RASSF6: variants seen among roughly 807,000 people sequenced by gnomAD.
The protein encoded by RASSF6 is Ras association domain family member 6, also known as ras association domain-containing protein 6.
A neutral mutation model predicts 44.0 loss-of-function variants in RASSF6; 52 were observed. That is an observed-to-expected ratio of 1.18 (90% CI 0.95 to 1.49). The LOEUF is 1.49. RASSF6 is among the 40% of genes most tolerant of loss of function. The probability of loss-of-function intolerance (pLI) is 0.00; values close to 1 mark genes in which losing one functional copy is unlikely to be tolerated. For synonymous variants in RASSF6, 162 were observed against 124.6 expected, an observed-to-expected ratio of 1.30 and a Z score of -2.00; for missense variants, 464 against 393.3, an observed-to-expected ratio of 1.18 and a Z score of -1.52.
At chr4:73,594,323 C>A (rs1428452330) in intron 3 of RASSF6, among the ~76,000 whole-genome samples, 1 of 152,126 alleles carries the variant, frequency 6.6e-6, no homozygotes, top group East Asian at 1.9e-4. Context: ...TGCCAGCCAC[C>A]CAATACCTAT....
rs1553905792 is a variant in RASSF6 at position 73,611,729 on chromosome 4, A to G, written c.65+2T>C. The G allele has an allele frequency of 6.3e-7, 1 of 1,587,812 alleles. No homozygotes were observed. Among genetic ancestry groups the G allele is most frequent in the Non-Finnish European group, 8.6e-7 (1 of 1,156,894 alleles). ...AATGTATAATATAAGGTGTGTGGTT[A>G]CCTGGTTATGAATGTCTTCTCATTA... is the stretch of plus-strand genomic sequence containing the variant. On this transcript the variant is annotated splice_donor_variant, in intron 2 of 10. Coordinates refer to ENST00000307439, the MANE Select transcript of RASSF6 (RefSeq NM_177532.5). LOFTEE classifies it high-confidence loss of function.
intron 3 of RASSF6, among the ~76,000 whole-genome samples, chr4:73,594,813 C>T (rs1243725226): frequency 6.6e-6 from 1 of 152,076 alleles, no homozygotes; most frequent in African/African-American, 2.4e-5. Context: ...CTTTCTCTGC[C>T]TAACTAGAAC....
rs201340056 is a variant in RASSF6 at position 73,587,969 on chromosome 4, C to A, written c.288-35G>T. Reference sequence around the variant, plus strand: ...AATAAATCTTGTAAGTACATCAGTTCCATTTATATTGAAGCCTATGATGGT... The same window carrying A: ...AATAAATCTTGTAAGTACATCAGTTACATTTATATTGAAGCCTATGATGGT... On this transcript the variant is annotated intron_variant, in intron 4 of 10. Coordinates refer to ENST00000307439, the MANE Select transcript of RASSF6 (RefSeq NM_177532.5). The A allele has an allele frequency of 1.1e-5, 15 of 1,374,962 alleles. No individual in the cohort carries two copies. In the East Asian group the frequency reaches 3.2e-4, roughly 29 times the overall value. 85.2% of individuals were successfully genotyped at this position (1,374,962 alleles called of 1,614,324 possible). A position where few individuals can be genotyped will look rare whatever the true frequency, so the allele number is the denominator to read the frequency against.
intron 7 of RASSF6, 148 bp downstream of exon 7, chr4:73,582,041 G>C: frequency 1.6e-6 from 1 of 642,110 alleles, no homozygotes; most frequent in Non-Finnish European, 2.7e-6. Flanking sequence ...GTTACTAAAA[G>C]GTGTTATACA....
intron 1 of RASSF6, among the ~76,000 whole-genome samples, chr4:73,618,301 T>TTATCTATCTATCTATC (rs60389955): frequency 0.19 from 28,052 of 150,194 alleles, 2,669 homozygotes; most frequent in African/African-American, 0.24. Flanking sequence ...TATAAAGTTG[T>TTATCTATCTATCTATC]TATCTATCTA....
At chr4:73,605,795 C>T (rs1725581085) in intron 2 of RASSF6, among the ~76,000 whole-genome samples, 3 of 152,086 alleles carry the variant, frequency 2.0e-5, no homozygotes, top group Admixed American at 2.0e-4. Flanking sequence ...TATTTTTTGA[C>T]TTTTTTATAA....
chr4:73,615,136 G>GTCCC (rs1486262068), intron 1 of RASSF6, among the ~76,000 whole-genome samples: 4 of 121,016 alleles, frequency 3.3e-5, no homozygotes, highest in African/African-American at 1.3e-4. Context: ...CCAAGATTGT[G>GTCCC]TCCCTGCACT....
At position 73,574,269 on chromosome 4, in the gene RASSF6, T is replaced by C. The variant is rs1202374284; in HGVS notation, c.*1966A>G. The C allele has an allele frequency of 6.6e-6, 1 of 152,428 alleles. No homozygotes were observed. The highest frequency in any genetic ancestry group is 1.5e-5 in the Non-Finnish European group (1 of 68,190). The allele number at this position is 152,428 out of a possible 1,614,324, so 9.4% of individuals were successfully genotyped here. A position where few individuals can be genotyped will look rare whatever the true frequency, so the allele number is the denominator to read the frequency against. On this transcript the variant is annotated 3_prime_UTR_variant, in exon 11 of 11. Coordinates refer to ENST00000307439, the MANE Select transcript of RASSF6 (RefSeq NM_177532.5). Reference sequence around the variant, plus strand: ...AAAGTTATGCTAGGTTCCTGCAAAGTAGGTCCCTCCGGCTCCTAATCCCAA... The same window carrying C: ...AAAGTTATGCTAGGTTCCTGCAAAGCAGGTCCCTCCGGCTCCTAATCCCAA...
chr4:73,574,957 T>C lies in RASSF6; in HGVS notation c.*1278A>G, dbSNP rs1333951542. ...TTATTAATATTGACAGGTGAAAGAA[T>C]AGCGATGCAAGCCTCTGGTTTACTC... On this transcript the variant is annotated 3_prime_UTR_variant, in exon 11 of 11. Coordinates refer to ENST00000307439, the MANE Select transcript of RASSF6 (RefSeq NM_177532.5). 1.3e-5 allele frequency: 2 copies of C among 152,314 alleles called. No homozygotes were observed. Among genetic ancestry groups the C allele is most frequent in the African/African-American group, 2.4e-5 (1 of 41,578 alleles). The allele number at this position is 152,314 out of a possible 1,614,324, so 9.4% of individuals were successfully genotyped here.
At position 73,591,351 on chromosome 4, in the gene RASSF6, T is replaced by A. The variant is rs184242217; in HGVS notation, c.287+2100A>T. On this transcript the variant is annotated intron_variant, in intron 4 of 10. Transcript: ENST00000307439. ...TGATGGTTTAAGGTGATACTAAAATTACCTTACTTCATTTCTGTGGCATTT... is the reference window on the plus strand; with the variant it reads ...TGATGGTTTAAGGTGATACTAAAATAACCTTACTTCATTTCTGTGGCATTT... Among the ~76,000 whole-genome samples the A allele has an allele frequency of 4.6e-5, 7 of 152,334 alleles. No homozygotes were observed. The East Asian group carries it at 1.3e-3, about 29-fold the overall frequency.
intron 7 of RASSF6, 128 bp from the exon 8 acceptor site, chr4:73,581,996 G>T (rs1434553022): frequency 5.6e-6 from 4 of 718,896 alleles, no homozygotes; most frequent in African/African-American, 3.6e-5. Flanking sequence ...AATCTTCTCT[G>T]CTCTTATGGG....
At position 73,585,190 on chromosome 4, in the gene RASSF6, T is replaced by C; in HGVS notation, c.557A>G (p.Tyr186Cys). 1 of 1,600,742 alleles carries C rather than the reference T, an allele frequency of 6.2e-7. No homozygotes were observed. The highest frequency in any genetic ancestry group is 8.5e-7 in the Non-Finnish European group (1 of 1,174,008). The change falls in exon 6 of 11, where the codon TAT (tyrosine) becomes TGT (cysteine). Residue 186 changes from tyrosine to cysteine, a missense_variant. Physicochemically the swap from Tyr to Cys is radical, Grantham distance 194 (BLOSUM62 -2). Transcript: ENST00000307439. ...TTGTAACTCACTTACTTCATGGTTATAGAAGTGTCCATTAATAGAGGCTCT... is the reference window on the plus strand; with the variant it reads ...TTGTAACTCACTTACTTCATGGTTACAGAAGTGTCCATTAATAGAGGCTCT... Reference protein sequence around the residue: ...KNRASINGHFYNHETSIFIPA... With the variant: ...KNRASINGHFCNHETSIFIPA...
chr4:73,584,465 A>T (rs951078517), intron 6 of RASSF6, among the ~76,000 whole-genome samples: 1 of 152,192 alleles, frequency 6.6e-6, no homozygotes, highest in African/African-American at 2.4e-5. Context: ...ATGGAAAGGC[A>T]CATATAAATT....
At chr4:73,593,019 ATTT>A (rs11287305) in intron 4 of RASSF6, among the ~76,000 whole-genome samples, 19 of 133,646 alleles carry the variant, frequency 1.4e-4, no homozygotes, top group African/African-American at 3.6e-4. Flanking sequence ...AGTTGCTGGG[ATTT>A]TTTTTTTTTT....
chr4:73,582,308 A>C lies in RASSF6; in HGVS notation c.568-18T>G, dbSNP rs763064851. 1 of 1,310,966 alleles carries C rather than the reference A, an allele frequency of 7.6e-7. No individual in the cohort carries two copies. The highest frequency in any genetic ancestry group is 1.3e-5 in the South Asian group (1 of 77,010). 81.2% of individuals were successfully genotyped at this position (1,310,966 alleles called of 1,614,324 possible). A position where few individuals can be genotyped will look rare whatever the true frequency, so the allele number is the denominator to read the frequency against. Reference sequence around the variant, plus strand: ...ATTGATGTCTAGAAAAAGAATTGTCACATAAGTCTTTAAAATTATATTATA... The same window carrying C: ...ATTGATGTCTAGAAAAAGAATTGTCCCATAAGTCTTTAAAATTATATTATA... On this transcript the variant is annotated intron_variant, in intron 6 of 10. Coordinates refer to ENST00000307439, the MANE Select transcript of RASSF6 (RefSeq NM_177532.5).
rs146894207 is a variant in RASSF6 at position 73,576,681 on chromosome 4, G to A, written c.772C>T (p.Gln258Ter). ...TDIPLLQRLL[Q>*]GPSEKNARIF... is the part of the protein sequence containing the mutation. The stretch of plus-strand genomic sequence containing the variant: ...CGAGCATTCTTTTCAGAAGGTCCCT[G>A]TAGGAGCCTCTGCAGTAGCGGAATG... The change falls in exon 9 of 11, where the codon CAG becomes TAG. Residue 258 changes from glutamine to a stop codon, truncating the protein, a stop_gained. Transcript: ENST00000307439. LOFTEE classifies it high-confidence loss of function. 19 of 1,613,690 alleles carry A rather than the reference G, an allele frequency of 1.2e-5. No individual in the cohort carries two copies. The South Asian group carries it at 1.5e-4, about 13-fold the overall frequency.
At chr4:73,602,948 C>T (rs969901112) in intron 2 of RASSF6, among the ~76,000 whole-genome samples, 1 of 152,158 alleles carries the variant, frequency 6.6e-6, no homozygotes, top group South Asian at 2.1e-4. Flanking sequence ...ATTAGCAGGG[C>T]GCGGTGGCGG....
chr4:73,598,326 G>T (rs1293162200), intron 3 of RASSF6, among the ~76,000 whole-genome samples: 1 of 152,118 alleles, frequency 6.6e-6, no homozygotes, highest in Non-Finnish European at 1.5e-5. Context: ...CATTACAAAT[G>T]ACATCACAAT....
At position 73,587,874 on chromosome 4, in the gene RASSF6, C is replaced by G; in HGVS notation, c.348G>C (p.Gln116His). Residue 116 changes from glutamine (Q) to histidine (H), a missense_variant, in exon 5 of 11, where the codon CAG (glutamine) becomes CAC (histidine). By Grantham distance (24) the Gln-to-His change is conservative. Transcript: ENST00000307439. ...LYRISELDRT[Q>H]IPMSEKRNSQ... ...AATTCCTTTTTTCAGACATAGGAATCTGGGTCCTGTCCAGCTCACTAATAC... is the reference window on the plus strand; with the variant it reads ...AATTCCTTTTTTCAGACATAGGAATGTGGGTCCTGTCCAGCTCACTAATAC... 1 of 1,609,834 alleles carries G rather than the reference C, an allele frequency of 6.2e-7. No individual in the cohort carries two copies. Among genetic ancestry groups the G allele is most frequent in the East Asian group, 2.2e-5 (1 of 44,746 alleles).
Sources: gnomAD v4.1 joint callset for allele counts (sites outside exome capture counted in the v4.1 genomes callset) on GRCh38, gnomAD v4.1.1 for gene constraint, MANE v1.5 for transcripts, NCBI Gene and HGNC (gene_info 2026-07-23, HGNC 2026-07-21) for gene names.